BACH1: variants seen among roughly 807,000 people sequenced by gnomAD.
BACH1 encodes the protein transcription regulator protein BACH1.
In BACH1, 35 loss-of-function variants were observed where a neutral mutation model predicts 52.9. That is an observed-to-expected ratio of 0.66 (90% confidence interval 0.51 to 0.88). The LOEUF is 0.88. Ranked by LOEUF, BACH1 falls within the 40% of genes least tolerant of loss-of-function variation. BACH1 has a pLI of 0.00. For missense variants in BACH1, 808 were observed against 872.6 expected, an observed-to-expected ratio of 0.93 and a Z score of 0.93; for synonymous variants, 321 against 319.6, an observed-to-expected ratio of 1.00 and a Z score of -0.05.
downstream of BACH1, among the ~76,000 whole-genome samples, chr21:29,346,431 C>T (rs563372559): frequency 7.9e-5 from 12 of 152,288 alleles, no homozygotes; most frequent in African/African-American, 2.6e-4. Context: ...ACTTATCTGC[C>T]GAGTCAGCTC....
intron 4 of BACH1, among the ~76,000 whole-genome samples, chr21:29,332,495 G>GAATA (rs560607664): frequency 6.6e-6 from 1 of 151,830 alleles, no homozygotes; most frequent in Non-Finnish European, 1.5e-5. Context: ...TTTGATTGAA[G>GAATA]AATGAATGAA....
At chr21:29,322,012 G>C (rs915273635) in intron 2 of BACH1, among the ~76,000 whole-genome samples, 1 of 152,158 alleles carries the variant, frequency 6.6e-6, no homozygotes, top group Non-Finnish European at 1.5e-5. Context: ...GGAAGACGAA[G>C]GAAAAGCAAA....
chr21:29,357,356 G>A (rs750385690), intron 2 of BACH1, among the ~76,000 whole-genome samples: 4 of 152,170 alleles, frequency 2.6e-5, no homozygotes, highest in Non-Finnish European at 4.4e-5. Flanking sequence ...CATGTCAGGC[G>A]GCCTAAGTCT....
chr21:29,308,956 T>C (rs1455716295), intron 1 of BACH1, among the ~76,000 whole-genome samples: 1 of 152,160 alleles, frequency 6.6e-6, no homozygotes, highest in Non-Finnish European at 1.5e-5. Flanking sequence ...GTGAGTGTTA[T>C]TTAGAAATTA....
Position 29,342,513 on chromosome 21 carries a change from A to G in BACH1, c.1891A>G (p.Ser631Gly). ...CQKVCKEAAL[S>G]QEQIQILAKY... ...GAAAGTTTGTAAAGAAGCAGCTCTG[A>G]GTCAAGAACAAATACAGATACTCGC... is the stretch of plus-strand genomic sequence containing the variant. The change falls in exon 5 of 5, where the codon AGT (serine) becomes GGT (glycine). Residue 631 changes from serine (S) to glycine (G), a missense_variant. Ser to Gly is a moderately conservative substitution (Grantham distance 56). Transcript: ENST00000286800. The G allele has an allele frequency of 1.9e-6, 3 of 1,614,248 alleles. No homozygotes were observed. Among genetic ancestry groups the G allele is most frequent in the Non-Finnish European group, 2.5e-6 (3 of 1,180,040 alleles).
chr21:29,322,737 A>G (rs1328012972), intron 2 of BACH1, among the ~76,000 whole-genome samples: 1 of 151,766 alleles, frequency 6.6e-6, no homozygotes, highest in African/African-American at 2.4e-5. Context: ...GTCCATGCCT[A>G]CTTCTGTGAA....
chr21:29,330,826 A>G (rs1352588663), intron 4 of BACH1, among the ~76,000 whole-genome samples: 1 of 152,012 alleles, frequency 6.6e-6, no homozygotes, highest in Non-Finnish European at 1.5e-5. Flanking sequence ...ATAAAAAATT[A>G]TTATTTATAT....
At position 29,343,989 on chromosome 21, in the gene BACH1, A is replaced by G. The variant is rs2089143202; in HGVS notation, c.*1156A>G. 6.6e-6 allele frequency: 1 copy of G among 152,342 alleles called. No homozygotes were observed. The highest frequency in any genetic ancestry group is 1.5e-5 in the Non-Finnish European group (1 of 68,024). 9.4% of individuals were successfully genotyped at this position (152,342 alleles called of 1,614,324 possible). A position where few individuals can be genotyped will look rare whatever the true frequency, so the allele number is the denominator to read the frequency against. Reference sequence around the variant, plus strand: ...CTCTCTTCTCCAAATTTGGTGTGGTATAAAGACACACAAATCATTTTAACT... The same window carrying G: ...CTCTCTTCTCCAAATTTGGTGTGGTGTAAAGACACACAAATCATTTTAACT... On this transcript the variant is annotated 3_prime_UTR_variant, in exon 5 of 5. Transcript: ENST00000286800.
intron 1 of BACH1, among the ~76,000 whole-genome samples, chr21:29,313,453 A>G (rs185295255): frequency 6.6e-6 from 1 of 152,382 alleles, no homozygotes; most frequent in East Asian, 1.9e-4. Flanking sequence ...TTTACCCAAG[A>G]AAAGTGATAC....
intron 4 of BACH1, among the ~76,000 whole-genome samples, chr21:29,338,462 T>C (rs1207577584): frequency 6.6e-6 from 1 of 152,120 alleles, no homozygotes; most frequent in Non-Finnish European, 1.5e-5. Context: ...CAGCCTTGAC[T>C]TCTTGGGATC....
chr21:29,351,554 T>A (rs2089202086), intron 2 of BACH1: 1 of 517,434 alleles, frequency 1.9e-6, no homozygotes, highest in Non-Finnish European at 4.0e-6. Flanking sequence ...TGTTTTCATC[T>A]CATTTGAGCG....
At chr21:29,334,242 C>T (rs1165219301) in intron 4 of BACH1, among the ~76,000 whole-genome samples, 13 of 151,940 alleles carry the variant, frequency 8.6e-5, no homozygotes, top group Admixed American at 2.6e-4. Context: ...GGACTACAGG[C>T]GCTGGCCACC....
At chr21:29,323,301 A>G (rs568358833) in intron 2 of BACH1, among the ~76,000 whole-genome samples, 10 of 152,310 alleles carry the variant, frequency 6.6e-5, no homozygotes, top group Admixed American at 3.3e-4. Flanking sequence ...CTGAGGAGGA[A>G]GGAAGCTAGT....
chr21:29,321,320 T>A lies in BACH1; in HGVS notation c.40T>A (p.Ser14Thr). Residue 14 changes from serine to threonine, a missense_variant, in exon 2 of 5, where the codon TCT becomes ACT. Transcript: ENST00000286800. ...SENSVFAYES[S>T]VHSTNVLLSL... ...GAACTCGGTTTTTGCCTATGAATCT[T>A]CTGTGCATAGCACCAATGTTTTACT... 1 of 1,614,208 alleles carries A rather than the reference T, an allele frequency of 6.2e-7. No homozygotes were observed. The highest frequency in any genetic ancestry group is 8.5e-7 in the Non-Finnish European group (1 of 1,180,040).
At chr21:29,311,768 G>A (rs1281167658) in intron 1 of BACH1, among the ~76,000 whole-genome samples, 1 of 151,982 alleles carries the variant, frequency 6.6e-6, no homozygotes, top group Non-Finnish European at 1.5e-5. Flanking sequence ...AGTGCCTTTT[G>A]ACTCTGCACA....
At chr21:29,358,770 A>AAAAGGAAAG in intron 2 of BACH1, among the ~76,000 whole-genome samples, 1 of 108,976 alleles carries the variant, frequency 9.2e-6, no homozygotes, top group Non-Finnish European at 1.9e-5. Flanking sequence ...AAAAGAAAAG[A>AAAAGGAAAG]AAAGAAAGAA....
intron 1 of BACH1, among the ~76,000 whole-genome samples, chr21:29,303,230 G>A (rs2088621811): frequency 6.6e-6 from 1 of 152,200 alleles, no homozygotes; most frequent in South Asian, 2.1e-4. Context: ...CCATGAAATG[G>A]ATATGAATAC....
In BACH1 at chr21:29,327,095, G is replaced by T. The variant is rs2088922362; in HGVS notation, c.1271G>T (p.Gly424Val). The change falls in exon 3 of 5, where the codon GGC becomes GTC. Residue 424 changes from glycine (G) to valine (V), a missense_variant. By Grantham distance (109) the Gly-to-Val change is moderately radical. Coordinates refer to ENST00000286800, the MANE Select transcript of BACH1 (RefSeq NM_001186.4). ...TTATCACCTGCTGTGGCCAAAGATG[G>T]CTCAGAACAGATCTCACAGAAACGG... ...MQLSPAVAKD[G>V]SEQISQKRSE... The T allele has an allele frequency of 1.8e-5, 29 of 1,614,080 alleles. No homozygotes were observed. In the East Asian group the frequency reaches 6.2e-4, roughly 35 times the overall value.
downstream of BACH1, among the ~76,000 whole-genome samples, chr21:29,350,265 C>T (rs1023291337): frequency 3.3e-5 from 5 of 152,184 alleles, no homozygotes; most frequent in African/African-American, 1.2e-4. Flanking sequence ...CTCTGCTCTT[C>T]TGGTTTTGAT....
Sources: gnomAD v4.1 joint callset for allele counts (sites outside exome capture counted in the v4.1 genomes callset) on GRCh38, gnomAD v4.1.1 for gene constraint, MANE v1.5 for transcripts, NCBI Gene and HGNC (gene_info 2026-07-23, HGNC 2026-07-21) for gene names.